NARS2: variants seen among roughly 807,000 people sequenced by gnomAD.
The protein encoded by NARS2 is asparaginyl-tRNA synthetase 2, mitochondrial.
NARS2 carries 60 observed loss-of-function variants against 62.9 expected under a neutral mutation model. The ratio of observed to expected loss-of-function variants is 0.95; its 90% CI spans 0.77 to 1.18. The LOEUF (loss-of-function observed/expected upper bound fraction) is 1.18, where lower values mean the gene tolerates loss of function less well. Among genes scored for constraint, NARS2 ranks in the 50% most tolerant of loss-of-function variants. The pLI is 0.00. For synonymous variants in NARS2, 196 were observed against 200.0 expected, an observed-to-expected ratio of 0.98 and a Z score of 0.17; for missense variants, 619 against 576.4, an observed-to-expected ratio of 1.07 and a Z score of -0.76.
intron 11 of NARS2, among the ~76,000 whole-genome samples, chr11:78,462,229 G>T (rs1858427512): frequency 6.6e-6 from 1 of 152,012 alleles, no homozygotes; most frequent in Non-Finnish European, 1.5e-5. Flanking sequence ...GGGCTGGAGT[G>T]ATGAAAAAAA....
At chr11:78,517,999 G>A (rs564406034) in intron 6 of NARS2, among the ~76,000 whole-genome samples, 1 of 152,066 alleles carries the variant, frequency 6.6e-6, no homozygotes, top group African/African-American at 2.4e-5. Flanking sequence ...TGAAGTAAAA[G>A]GAATTATTAA....
intron 11 of NARS2, among the ~76,000 whole-genome samples, chr11:78,462,411 C>T (rs1858435738): frequency 6.6e-6 from 1 of 152,060 alleles, no homozygotes; most frequent in South Asian, 2.1e-4. Context: ...ATGTTGCTCA[C>T]TAGTTTTGGA....
In NARS2 at chr11:78,559,574, CAT is replaced by C; in HGVS notation, c.557_558del (p.Asn186ArgfsTer3). ...VHIHTPIITS[N>X]DSEGAGELFQ... is the part of the protein sequence containing the mutation. ...AAAAGTTCTCCAGCTCCCTCAGAGTCATTGGATGTGATTATTGGAGTATGAAT... is the reference window on the plus strand; with the variant it reads ...AAAAGTTCTCCAGCTCCCTCAGAGTCTGGATGTGATTATTGGAGTATGAAT... On this transcript the variant is annotated frameshift_variant, in exon 5 of 14. Coordinates refer to ENST00000281038, the MANE Select transcript of NARS2 (RefSeq NM_024678.6). LOFTEE classifies it high-confidence loss of function. 1 of 1,613,510 alleles carries C rather than the reference CAT, an allele frequency of 6.2e-7. No homozygotes were observed. Among genetic ancestry groups the C allele is most frequent in the Non-Finnish European group, 8.5e-7 (1 of 1,179,646 alleles).
At chr11:78,485,885 A>G (rs1373933908) in intron 7 of NARS2, among the ~76,000 whole-genome samples, 8 of 151,876 alleles carry the variant, frequency 5.3e-5, no homozygotes, top group African/African-American at 1.9e-4. Flanking sequence ...TATTACTACT[A>G]TTTTTTGAGA....
intron 5 of NARS2, among the ~76,000 whole-genome samples, chr11:78,538,973 CG>C: frequency 9.6e-6 from 1 of 104,180 alleles, no homozygotes; most frequent in Non-Finnish European, 1.7e-5. Context: ...CCAGCCTGGG[CG>C]ACAGAGCGAG....
intron 6 of NARS2, among the ~76,000 whole-genome samples, chr11:78,521,399 G>C (rs4579956): frequency 0.78 from 118,701 of 151,916 alleles, 46,719 homozygotes; most frequent in Non-Finnish European, 0.82. Flanking sequence ...TCTTGAACTA[G>C]TGGCTTCAAG....
At chr11:78,485,507 C>G (rs973911825) in intron 7 of NARS2, among the ~76,000 whole-genome samples, 1 of 152,100 alleles carries the variant, frequency 6.6e-6, no homozygotes, top group Non-Finnish European at 1.5e-5. Flanking sequence ...GATTAATAAC[C>G]TGAAATGGAG....
intron 6 of NARS2, among the ~76,000 whole-genome samples, chr11:78,494,512 CAT>C (rs1195445976): frequency 8.0e-6 from 1 of 125,354 alleles, no homozygotes. Context: ...GGAAAGGAAA[CAT>C]AAAGTAACTA....
At chr11:78,484,606 T>TTA (rs1325506524) in intron 7 of NARS2, among the ~76,000 whole-genome samples, 1 of 151,720 alleles carries the variant, frequency 6.6e-6, no homozygotes, top group Admixed American at 6.6e-5. Context: ...TCTTAAAAAT[T>TTA]TATGCAGCCA....
rs59664343 is a variant in NARS2 at position 78,461,602 on chromosome 11, T to TAAAAAAAAAA, written c.1164+4264_1164+4273dup. Among the ~76,000 whole-genome samples, 167 of 64,066 alleles carry TAAAAAAAAAA rather than the reference T, an allele frequency of 2.6e-3. 4 individuals carry two copies. The highest frequency in any genetic ancestry group is 0.014 in the Middle Eastern group (1 of 70). 42.0% of individuals were successfully genotyped at this position (64,066 alleles called of 152,430 possible). ...GAATGAGTGGGAGATGCTGTGCTGG[T>TAAAAAAAAAA]AAAAAAAAAAAAAAAAAAAAAAAAA... On this transcript the variant is annotated intron_variant, in intron 11 of 13. Transcript: ENST00000281038.
intron 13 of NARS2, among the ~76,000 whole-genome samples, chr11:78,440,078 T>A (rs1857529560): frequency 6.6e-6 from 1 of 152,194 alleles, no homozygotes; most frequent in Admixed American, 6.5e-5. Context: ...ATTAATTTAT[T>A]TTTTGAGACG....
At chr11:78,534,587 C>T (rs970445831) in intron 5 of NARS2, among the ~76,000 whole-genome samples, 6 of 152,172 alleles carry the variant, frequency 3.9e-5, no homozygotes, top group African/African-American at 1.4e-4. Flanking sequence ...CCTCCAGATA[C>T]ATTCACAAAT....
chr11:78,564,786 A>G (rs1205093884), intron 4 of NARS2, among the ~76,000 whole-genome samples: 1 of 152,244 alleles, frequency 6.6e-6, no homozygotes, highest in Non-Finnish European at 1.5e-5. Context: ...CCTACAAACT[A>G]TAATGGGATA....
intron 6 of NARS2, among the ~76,000 whole-genome samples, chr11:78,513,484 T>A (rs2135392784): frequency 6.6e-6 from 1 of 151,804 alleles, no homozygotes; most frequent in Non-Finnish European, 1.5e-5. Flanking sequence ...CACAAATAAG[T>A]AAGAACACGT....
chr11:78,518,133 A>T (rs565791180), intron 6 of NARS2, among the ~76,000 whole-genome samples: 33 of 152,368 alleles, frequency 2.2e-4, no homozygotes, highest in Admixed American at 4.6e-4. Context: ...ACAATAAAAA[A>T]TAATACAAAT....
intron 6 of NARS2, among the ~76,000 whole-genome samples, chr11:78,501,231 A>G (rs970530035): frequency 5.3e-5 from 8 of 152,224 alleles, no homozygotes; most frequent in African/African-American, 1.7e-4. Flanking sequence ...CACTTTTATA[A>G]GTTTCTTTAA....
intron 7 of NARS2, among the ~76,000 whole-genome samples, chr11:78,490,693 G>GGA (rs953819838): frequency 1.3e-5 from 2 of 151,880 alleles, no homozygotes; most frequent in African/African-American, 4.8e-5. Context: ...CAGTTACTCA[G>GGA]GAGGCTGCAG....
intron 11 of NARS2, among the ~76,000 whole-genome samples, chr11:78,463,512 C>G (rs903490203): frequency 2.6e-5 from 4 of 152,066 alleles, no homozygotes; most frequent in East Asian, 1.9e-4. Flanking sequence ...ATGGTGAAAC[C>G]CTGTCTCTAC....
chr11:78,548,043 C>A (rs1474372745), intron 5 of NARS2, among the ~76,000 whole-genome samples: 1 of 152,084 alleles, frequency 6.6e-6, no homozygotes, highest in Non-Finnish European at 1.5e-5. Context: ...AACATAATGA[C>A]CTTGTCTCTA....
Sources: gnomAD v4.1 joint callset for allele counts (sites outside exome capture counted in the v4.1 genomes callset) on GRCh38, gnomAD v4.1.1 for gene constraint, MANE v1.5 for transcripts, NCBI Gene and HGNC (gene_info 2026-07-23, HGNC 2026-07-21) for gene names.